ANK2: variants seen among roughly 807,000 people sequenced by gnomAD.
The protein encoded by ANK2 is ankyrin 2.
In ANK2, 83 loss-of-function variants were observed where a neutral mutation model predicts 360.5. That is an observed-to-expected ratio of 0.23 (90% CI 0.19 to 0.28). The LOEUF is 0.28. ANK2 is among the 10% of genes least tolerant of loss of function. ANK2 has a pLI of 1.00. For synonymous variants in ANK2, 1,740 were observed against 1,759.5 expected (o/e 0.99, Z 0.28); for missense variants, 4,201 against 4,795.7 (o/e 0.88, Z 3.66).
In ANK2 at chr4:113,003,702, A is replaced by T. The variant is rs6833846; in HGVS notation, c.21+99188A>T. Among the ~76,000 whole-genome samples, 6 of 152,164 alleles carry T rather than the reference A, an allele frequency of 3.9e-5. No individual in the cohort carries two copies. In the East Asian group the frequency reaches 7.7e-4, roughly 20 times the overall value. On this transcript the variant is annotated intron_variant, in intron 2 of 30. Coordinates refer to the ANK2 transcript ENST00000503271. ...ATCTTGTGTTACACCACAGTAAATG[A>T]TAGTGAACTGAATACTTAAATGTGA...
At chr4:113,375,057 T>C in intron 45 of ANK2, 1 of 456,864 alleles carries the variant, frequency 2.2e-6, no homozygotes, top group South Asian at 7.7e-5. Flanking sequence ...CATGGAAAGG[T>C]GCAGAATAAT....
chr4:112,719,649 A>AC, the ANK2 span, among the ~76,000 whole-genome samples: 13 of 150,632 alleles, frequency 8.6e-5, no homozygotes, highest in Admixed American at 5.3e-4. Context: ...AATGGCGTGA[A>AC]CCCAGGGGGC....
At chr4:112,710,414 G>A in the ANK2 span, among the ~76,000 whole-genome samples, 1 of 152,096 alleles carries the variant, frequency 6.6e-6, no homozygotes, top group Non-Finnish European at 1.5e-5. Flanking sequence ...GAATAGCTTG[G>A]GCCAGGCCAG....
intron 1 of ANK2, among the ~76,000 whole-genome samples, chr4:112,861,858 A>AGAGAGAGAGAGG (rs2068163565): frequency 6.6e-6 from 1 of 152,102 alleles, no homozygotes. Flanking sequence ...AGAGAGAGAG[A>AGAGAGAGAGAGG]GAGAGAGAGA....
chr4:112,969,767 G>A (rs2038766855), intron 2 of ANK2, among the ~76,000 whole-genome samples: 1 of 152,010 alleles, frequency 6.6e-6, no homozygotes, highest in African/African-American at 2.4e-5. Context: ...TTCTGTCCGT[G>A]GTAGATATGG....
chr4:113,164,922 C>G (rs1232659826), intron 1 of ANK2, among the ~76,000 whole-genome samples: 2 of 152,134 alleles, frequency 1.3e-5, no homozygotes, highest in Non-Finnish European at 1.5e-5. Context: ...ATTAAATAAA[C>G]TACTGTTACC....
intron 2 of ANK2, among the ~76,000 whole-genome samples, chr4:113,181,958 C>G (rs1370280819): frequency 6.6e-6 from 1 of 151,190 alleles, no homozygotes; most frequent in African/African-American, 2.4e-5. Context: ...GAGTGACATA[C>G]GCTGACGAGT....
intron 2 of ANK2, among the ~76,000 whole-genome samples, chr4:113,040,194 C>T (rs921280179): frequency 1.3e-5 from 2 of 151,918 alleles, no homozygotes; most frequent in African/African-American, 2.4e-5. Flanking sequence ...CTGACCTAGC[C>T]GGGAGCATGT....
intron 43 of ANK2, among the ~76,000 whole-genome samples, chr4:113,370,965 T>A (rs1185081993): frequency 2.6e-5 from 4 of 152,126 alleles, no homozygotes; most frequent in Non-Finnish European, 5.9e-5. Flanking sequence ...TGAGAATCTG[T>A]TTGAATTAAA....
In ANK2 at chr4:113,213,896, A is replaced by G; in HGVS notation, c.384+14787A>G. 3.6e-6 allele frequency: 2 copies of G among 559,590 alleles called. 1 individual carries two copies. The highest frequency in any genetic ancestry group is 6.2e-6 in the Non-Finnish European group (2 of 321,664). The allele number at this position is 559,590 out of a possible 1,614,324, so 34.7% of individuals were successfully genotyped here. On this transcript the variant is annotated intron_variant, in intron 4 of 45. Coordinates refer to ENST00000357077, the MANE Select transcript of ANK2 (RefSeq NM_001148.6). ...ATCAATCCCTAGCCAGTGCAATGAA[A>G]AGAGAAAGAGAACTATGAATATAAA... is the stretch of plus-strand genomic sequence containing the variant.
chr4:113,253,976 A>G (rs2047911823), intron 10 of ANK2, among the ~76,000 whole-genome samples: 1 of 152,090 alleles, frequency 6.6e-6, no homozygotes, highest in Non-Finnish European at 1.5e-5. Context: ...TCTCCTTACG[A>G]TTATTGATAT....
intron 1 of ANK2, among the ~76,000 whole-genome samples, chr4:112,850,620 C>T (rs1213651276): frequency 6.8e-6 from 1 of 146,822 alleles, no homozygotes; most frequent in Non-Finnish European, 1.5e-5. Context: ...AGATTCACAC[C>T]ATTCTCCTGC....
intron 2 of ANK2, among the ~76,000 whole-genome samples, chr4:112,973,077 G>T (rs1219914173): frequency 1.3e-5 from 2 of 151,802 alleles, no homozygotes; most frequent in East Asian, 1.9e-4. Context: ...AGTGTACACT[G>T]CTTGGGTGAT....
At chr4:113,256,077 G>A in intron 11 of ANK2, 145 bp downstream of exon 11, 1 of 996,788 alleles carries the variant, frequency 1.0e-6, no homozygotes, top group East Asian at 2.6e-5. Context: ...CAATCAGCCT[G>A]TGTACTTCAT....
At chr4:112,776,741 CA>C in the ANK2 span, among the ~76,000 whole-genome samples, 2 of 152,282 alleles carry the variant, frequency 1.3e-5, no homozygotes, top group African/African-American at 4.8e-5. Flanking sequence ...GTACATTATG[CA>C]CATGTATTTG....
At chr4:112,995,198 C>T (rs1483309941) in intron 2 of ANK2, among the ~76,000 whole-genome samples, 1 of 152,232 alleles carries the variant, frequency 6.6e-6, no homozygotes, top group Non-Finnish European at 1.5e-5. Context: ...CTGCTTTCCA[C>T]AGCGGCTGCA....
At chr4:112,875,756 A>G (rs1288988360) in intron 1 of ANK2, among the ~76,000 whole-genome samples, 1 of 149,686 alleles carries the variant, frequency 6.7e-6, no homozygotes, top group Non-Finnish European at 1.5e-5. Context: ...TGTTTGTTTT[A>G]GGAGACAGGG....
chr4:112,947,951 A>G (rs766784871), intron 2 of ANK2, among the ~76,000 whole-genome samples: 3 of 152,206 alleles, frequency 2.0e-5, no homozygotes, highest in Non-Finnish European at 4.4e-5. Flanking sequence ...GATATTCATT[A>G]ACCTATGACA....
chr4:112,894,936 C>T (rs114772537), intron 1 of ANK2, among the ~76,000 whole-genome samples: 1,884 of 152,214 alleles, frequency 0.012, 28 homozygotes, highest in African/African-American at 0.034. Flanking sequence ...TTGACTATAA[C>T]TAATAAGTGG....
Sources: allele counts gnomAD v4.1 joint callset (sites outside exome capture counted in the v4.1 genomes callset), GRCh38; gene constraint gnomAD v4.1.1; transcripts MANE v1.5; gene names NCBI Gene and HGNC (gene_info 2026-07-23, HGNC 2026-07-21).